IFT88: variants seen among roughly 807,000 people sequenced by gnomAD.
IFT88 encodes the protein intraflagellar transport protein 88 homolog.
In IFT88, 74 loss-of-function variants were observed where a neutral mutation model predicts 119.5. The ratio of observed to expected loss-of-function variants is 0.62; its 90% CI spans 0.51 to 0.75. The LOEUF is 0.75. Ranked by LOEUF, IFT88 falls within the 30% of genes least tolerant of loss-of-function variation. The probability of loss-of-function intolerance (pLI) is 0.00; values close to 1 mark genes in which losing one functional copy is unlikely to be tolerated. For synonymous variants in IFT88, 279 were observed against 316.7 expected (o/e 0.88, Z 1.26); for missense variants, 961 against 977.7 (o/e 0.98, Z 0.23).
intron 13 of IFT88, among the ~76,000 whole-genome samples, chr13:20,608,553 G>A (rs1348657574): frequency 6.6e-6 from 1 of 152,186 alleles, no homozygotes; most frequent in Admixed American, 6.5e-5. Flanking sequence ...GGATCGCTGT[G>A]GCTGTAGACC....
chr13:20,650,125 T>A (rs2051381217), intron 20 of IFT88, among the ~76,000 whole-genome samples: 1 of 152,004 alleles, frequency 6.6e-6, no homozygotes, highest in African/African-American at 2.4e-5. Flanking sequence ...CCTAACTCAG[T>A]CAGTGAGGCC....
intron 20 of IFT88, among the ~76,000 whole-genome samples, chr13:20,648,049 C>G (rs916495955): frequency 7.2e-5 from 11 of 152,098 alleles, no homozygotes; most frequent in African/African-American, 2.7e-4. Context: ...ATGTAAAGTC[C>G]TGAAATTTAA....
chr13:20,601,416 G>T (rs1007820445), intron 11 of IFT88, among the ~76,000 whole-genome samples: 2 of 151,708 alleles, frequency 1.3e-5, no homozygotes, highest in African/African-American at 4.8e-5. Flanking sequence ...ATAAGAATGG[G>T]GAATGACTGT....
rs760648385 is a variant in IFT88, at chr13:20,691,209, T to C, written c.*34T>C. On this transcript the variant is annotated 3_prime_UTR_variant, in exon 26 of 26. Transcript: ENST00000351808. ...TTAATATTTATTAAAGGAAAGAAATTGCCTTATGAGATCATCCTCATGTTA... is the reference window on the plus strand; with the variant it reads ...TTAATATTTATTAAAGGAAAGAAATCGCCTTATGAGATCATCCTCATGTTA... The C allele has an allele frequency of 4.2e-5, 67 of 1,580,820 alleles. 1 individual carries two copies. The Admixed American group carries it at 1.1e-3, about 26-fold the overall frequency.
chr13:20,657,397 A>T (rs2053015506), intron 22 of IFT88, among the ~76,000 whole-genome samples: 1 of 152,224 alleles, frequency 6.6e-6, no homozygotes. Context: ...GTCCCTGAAT[A>T]GCCTTGCAGC....
intron 14 of IFT88, among the ~76,000 whole-genome samples, chr13:20,622,193 C>T (rs1195190922): frequency 2.6e-5 from 4 of 152,134 alleles, no homozygotes; most frequent in African/African-American, 9.7e-5. Context: ...TATGTCTGTG[C>T]TCAAAAAGTT....
At chr13:20,627,752 AAGG>A (rs60833943) in intron 15 of IFT88, among the ~76,000 whole-genome samples, 2,222 of 137,304 alleles carry the variant, frequency 0.016, 58 homozygotes, top group African/African-American at 0.057. Flanking sequence ...AAAAAAAAAA[AAGG>A]TTAAGAATGC....
At chr13:20,635,225 A>G (rs2048840187) in intron 16 of IFT88, among the ~76,000 whole-genome samples, 1 of 152,178 alleles carries the variant, frequency 6.6e-6, no homozygotes, top group South Asian at 2.1e-4. Flanking sequence ...CCAAAGGATT[A>G]TAAAACATGC....
chr13:20,642,611 T>C (rs2050119208), intron 18 of IFT88: 1 of 151,998 alleles, frequency 6.6e-6, no homozygotes, highest in Non-Finnish European at 1.5e-5. Flanking sequence ...AAAAAAAAAT[T>C]AGTTTTAGAG....
chr13:20,567,644 A>C (rs1336654768), intron 1 of IFT88: 1 of 729,048 alleles, frequency 1.4e-6, no homozygotes, highest in East Asian at 7.0e-5. Context: ...GAGATGGTGC[A>C]CATCGCTCTT....
At chr13:20,585,011 G>A (rs1293820515) in intron 3 of IFT88, among the ~76,000 whole-genome samples, 1 of 152,234 alleles carries the variant, frequency 6.6e-6, no homozygotes, top group Admixed American at 6.5e-5. Flanking sequence ...CTTTGCTTTA[G>A]ATGAAGTGTC....
In IFT88 at chr13:20,643,455, A is replaced by G; in HGVS notation, c.1683A>G (p.Ile561Met). ...SAEVLYQIANIYELMENPSQA... is the reference protein window; with the variant it reads ...SAEVLYQIANMYELMENPSQA... ...TTTTCCTTAACTGACATTGCATAAG[A>G]TATGAATTAATGGAAAATCCCAGTC... The change falls in exon 19 of 26, where the codon ATA becomes ATG. Residue 561 changes from isoleucine (I) to methionine (M), a missense_variant and splice_region_variant. By Grantham distance (10) the Ile-to-Met change is conservative. Transcript: ENST00000351808. The G allele has an allele frequency of 6.3e-7, 1 of 1,593,426 alleles. No homozygotes were observed. Among genetic ancestry groups the G allele is most frequent in the Non-Finnish European group, 8.5e-7 (1 of 1,174,002 alleles).
intron 21 of IFT88, 87 bp from the exon 22 acceptor site, chr13:20,656,278 G>C: frequency 8.4e-6 from 4 of 477,596 alleles, no homozygotes; most frequent in Middle Eastern, 5.0e-4. Context: ...CCATTAAATA[G>C]CCAGTATATC....
intron 11 of IFT88, 60 bp downstream of exon 11, chr13:20,599,625 ACT>A: frequency 8.0e-6 from 6 of 749,404 alleles, no homozygotes; most frequent in Non-Finnish European, 1.4e-5. Context: ...AAACAAGATA[ACT>A]CTTCTGACCT....
intron 24 of IFT88, among the ~76,000 whole-genome samples, chr13:20,684,004 T>C (rs2057611462): frequency 6.6e-6 from 1 of 152,230 alleles, no homozygotes; most frequent in South Asian, 2.1e-4. Context: ...TGGCATCATC[T>C]GACTGGAGAC....
intron 23 of IFT88, among the ~76,000 whole-genome samples, chr13:20,664,498 A>G (rs1008742868): frequency 6.6e-6 from 1 of 152,150 alleles, no homozygotes; most frequent in Non-Finnish European, 1.5e-5. Flanking sequence ...ATTCCTGAAC[A>G]CTGTGAGCCC....
chr13:20,628,435 C>T (rs937709824), intron 15 of IFT88, among the ~76,000 whole-genome samples: 3 of 152,170 alleles, frequency 2.0e-5, no homozygotes, highest in Admixed American at 6.5e-5. Context: ...TCATTGTTTT[C>T]AGGGAAACAA....
intron 7 of IFT88, among the ~76,000 whole-genome samples, chr13:20,593,543 T>A (rs572747293): frequency 3.4e-4 from 51 of 152,116 alleles, no homozygotes; most frequent in African/African-American, 1.1e-3. Flanking sequence ...TTCTTTTTTT[T>A]ATTTAAATTG....
chr13:20,589,416 AAGGTATCTGTTAT>A (rs1421197607), intron 3 of IFT88, among the ~76,000 whole-genome samples: 1 of 152,220 alleles, frequency 6.6e-6, no homozygotes, highest in African/African-American at 2.4e-5. Context: ...AGATTAAATA[AAGGTATCTGTTAT>A]AGGGATAGCT....
Sources: allele counts gnomAD v4.1 joint callset (sites outside exome capture counted in the v4.1 genomes callset), GRCh38; gene constraint gnomAD v4.1.1; transcripts MANE v1.5; gene names NCBI Gene and HGNC (gene_info 2026-07-23, HGNC 2026-07-21).